RRM2: variants seen among roughly 807,000 people sequenced by gnomAD.
RRM2 encodes ribonucleoside-diphosphate reductase subunit M2.
In RRM2, 6 loss-of-function variants were observed where a neutral mutation model predicts 45.9. The ratio of observed to expected loss-of-function variants is 0.13; its 90% CI spans 0.07 to 0.26. RRM2 has a LOEUF of 0.26. RRM2 is among the 10% of genes least tolerant of loss of function. The pLI, the probability that RRM2 is intolerant of heterozygous loss-of-function variation, is 1.00. For synonymous variants in RRM2, 177 were observed against 173.0 expected (o/e 1.02, Z -0.18); for missense variants, 343 against 489.5 (o/e 0.70, Z 2.82).
intron 3 of RRM2, among the ~76,000 whole-genome samples, chr2:10,199,790 A>AAAAAAAAAAAAC (rs1664503700): frequency 1.4e-5 from 1 of 71,874 alleles, no homozygotes; most frequent in African/African-American, 4.5e-5. Context: ...AAAAAAAAAA[A>AAAAAAAAAAAAC]AAAAAAAAAA....
chr2:10,135,953 A>C (rs1016860135), downstream of RRM2, among the ~76,000 whole-genome samples: 1 of 151,612 alleles, frequency 6.6e-6, no homozygotes, highest in Non-Finnish European at 1.5e-5. Flanking sequence ...ATATTCTCTT[A>C]GTCATGTGTT....
intron 3 of RRM2, among the ~76,000 whole-genome samples, chr2:10,148,512 C>T (rs1663241395): frequency 6.6e-6 from 1 of 152,230 alleles, no homozygotes; most frequent in Non-Finnish European, 1.5e-5. Context: ...TCCTTGAGAA[C>T]TTCACAGATG....
chr2:10,200,994 A>G (rs1664558567), intron 3 of RRM2, among the ~76,000 whole-genome samples: 1 of 152,130 alleles, frequency 6.6e-6, no homozygotes, highest in Admixed American at 6.5e-5. Flanking sequence ...TAAAAAACAC[A>G]AAAGTTAGCT....
At position 10,172,009 on chromosome 2, in the gene RRM2, G is replaced by T. The variant is rs185845467; in HGVS notation, n.482+29634G>T. 3.1e-3 allele frequency among the ~76,000 whole-genome samples: 465 copies of T among 152,320 alleles called. No homozygotes were observed. The highest frequency in any genetic ancestry group is 5.5e-3 in the Non-Finnish European group (372 of 68,020). ...AAAACCGGGCAGAGGAGCCCTGCTAGTCCAGGCCGGGCCAGCGCCCAAGGA... is the reference window on the plus strand; with the variant it reads ...AAAACCGGGCAGAGGAGCCCTGCTATTCCAGGCCGGGCCAGCGCCCAAGGA... On this transcript the variant is annotated intron_variant and non_coding_transcript_variant, in intron 3 of 3. Transcript: ENST00000381786. This position sits in a 1 kb window ranked among gnomAD's most constrained non-coding sequence, Gnocchi z 4.9.
In RRM2 at chr2:10,207,018, G is replaced by T. The variant is rs540054035; in HGVS notation, n.483-3293G>T. ...TTCAGGAAGAAGGAAAGAGGTTTCG[G>T]ACGGAAGGTCTGTGTGCAGAGGGAA... On this transcript the variant is annotated intron_variant and non_coding_transcript_variant, in intron 3 of 3. Transcript: ENST00000381786. Among the ~76,000 whole-genome samples the T allele has an allele frequency of 4.0e-4, 61 of 152,298 alleles. 1 individual carries two copies. The South Asian group carries it at 0.012, about 30-fold the overall frequency.
At chr2:10,188,935 C>T (rs995170331) in intron 3 of RRM2, among the ~76,000 whole-genome samples, 4 of 152,112 alleles carry the variant, frequency 2.6e-5, no homozygotes, top group Non-Finnish European at 5.9e-5. Context: ...TGGAGGGAGG[C>T]GCCGGCGCCC....
At chr2:10,200,995 A>G (rs1664558608) in intron 3 of RRM2, among the ~76,000 whole-genome samples, 1 of 152,126 alleles carries the variant, frequency 6.6e-6, no homozygotes, top group African/African-American at 2.4e-5. Flanking sequence ...AAAAAACACA[A>G]AAGTTAGCTG....
Position 10,185,842 on chromosome 2 carries a change from A to G in RRM2, n.483-24469A>G, listed in dbSNP as rs1042343657. ...GACCCTCAGTCTCATCTTCTGGGTG[A>G]CCGAAGATGGGGCAGTGCAGCCCCT... is the stretch of plus-strand genomic sequence containing the variant. On this transcript the variant is annotated intron_variant and non_coding_transcript_variant, in intron 3 of 3. Coordinates refer to the RRM2 transcript ENST00000381786. This position sits in a 1 kb window ranked among gnomAD's most constrained non-coding sequence, Gnocchi z 4.3. Among the ~76,000 whole-genome samples the G allele has an allele frequency of 2.0e-5, 3 of 150,988 alleles. No individual in the cohort carries two copies. The highest frequency in any genetic ancestry group is 1.9e-4 in the East Asian group (1 of 5,136).
At chr2:10,143,062 A>T (rs1009709931) in intron 3 of RRM2, among the ~76,000 whole-genome samples, 2 of 152,124 alleles carry the variant, frequency 1.3e-5, no homozygotes, top group African/African-American at 4.8e-5. Flanking sequence ...TTTAGTAGAG[A>T]CAGAGTTTCA....
In RRM2 at chr2:10,171,974, G is replaced by T. The variant is rs751902719; in HGVS notation, n.482+29599G>T. Among the ~76,000 whole-genome samples the T allele has an allele frequency of 6.6e-6, 1 of 152,190 alleles. No individual in the cohort carries two copies. The highest frequency in any genetic ancestry group is 1.5e-5 in the Non-Finnish European group (1 of 68,032). On this transcript the variant is annotated intron_variant and non_coding_transcript_variant, in intron 3 of 3. Coordinates refer to the RRM2 transcript ENST00000381786. The surrounding 1 kb of genome is among the most constrained non-coding windows in gnomAD (Gnocchi z 4.1). ...CTGGGAAAACTTAGGAGACGGTGCT[G>T]CTTGTTTAGAAAACCGGGCAGAGGA...
At chr2:10,190,073 TATG>T (rs1254167918) in intron 3 of RRM2, among the ~76,000 whole-genome samples, 1 of 78,778 alleles carries the variant, frequency 1.3e-5, no homozygotes, top group African/African-American at 5.2e-5. Context: ...TGGTGATGGT[TATG>T]ATGGTGGTGG....
At position 10,122,970 on chromosome 2, in the gene RRM2, C is replaced by T. The variant is rs72542789; in HGVS notation, c.100-13C>T. On this transcript the variant is annotated splice_polypyrimidine_tract_variant and intron_variant, in intron 1 of 9. Coordinates refer to ENST00000304567, the MANE Select transcript of RRM2 (RefSeq NM_001034.4). ...AGCGAAGCCGCTCCTCACTCACACGCGTCTCCCCGCAGCCGCCGGCCCTGA... is the reference window on the plus strand; with the variant it reads ...AGCGAAGCCGCTCCTCACTCACACGTGTCTCCCCGCAGCCGCCGGCCCTGA... The T allele has an allele frequency of 4.3e-4, 665 of 1,548,438 alleles. 5 individuals carry two copies. The East Asian group carries it at 0.015, about 35-fold the overall frequency.
chr2:10,200,714 A>G (rs6761527), intron 3 of RRM2, among the ~76,000 whole-genome samples: 10,030 of 71,060 alleles, frequency 0.14, 2,044 homozygotes, highest in Admixed American at 0.21. Context: ...GGGACCGCGC[A>G]CACAAAATAT....
chr2:10,197,806 G>A (rs1664446986), intron 3 of RRM2, among the ~76,000 whole-genome samples: 1 of 152,104 alleles, frequency 6.6e-6, no homozygotes, highest in South Asian at 2.1e-4. Flanking sequence ...GGTTTCCCAG[G>A]GCCCAGCAGA....
exon 2 of RRM2, chr2:10,141,938 C>T: frequency 1.3e-6 from 2 of 1,577,480 alleles, no homozygotes; most frequent in South Asian, 2.3e-5. Flanking sequence ...GGAGACCAAT[C>T]ACCCACCCAG....
At chr2:10,163,518 C>T (rs1663612443) in intron 3 of RRM2, among the ~76,000 whole-genome samples, 1 of 152,236 alleles carries the variant, frequency 6.6e-6, no homozygotes, top group Admixed American at 6.5e-5. Context: ...GGGCAAGTCA[C>T]ATGGCCCTCT....
chr2:10,185,640 C>A lies in RRM2; in HGVS notation n.483-24671C>A, dbSNP rs1664148903. On this transcript the variant is annotated intron_variant and non_coding_transcript_variant, in intron 3 of 3. Transcript: ENST00000381786. This position sits in a 1 kb window ranked among gnomAD's most constrained non-coding sequence, Gnocchi z 4.3. ...TGTACTGGATACATTCTTGAAAATA[C>A]TCTTGAACATATTCTTGAGGATGAG... 2.0e-5 allele frequency among the ~76,000 whole-genome samples: 3 copies of A among 152,130 alleles called. No homozygotes were observed. Among genetic ancestry groups the A allele is most frequent in the Admixed American group, 2.0e-4 (3 of 15,266 alleles).
At chr2:10,167,639 G>A (rs955382703) in intron 3 of RRM2, among the ~76,000 whole-genome samples, 6 of 152,134 alleles carry the variant, frequency 3.9e-5, no homozygotes, top group Non-Finnish European at 7.4e-5. Flanking sequence ...CTTCCTCCTT[G>A]TGTCTTCTCT....
chr2:10,135,963 T>G (rs1465164785), downstream of RRM2, among the ~76,000 whole-genome samples: 2 of 151,240 alleles, frequency 1.3e-5, no homozygotes, highest in African/African-American at 4.9e-5. Context: ...AGTCATGTGT[T>G]TTTTTTTTAT....
Sources: allele counts gnomAD v4.1 joint callset (sites outside exome capture counted in the v4.1 genomes callset), GRCh38; gene constraint gnomAD v4.1.1; non-coding constraint Gnocchi (gnomAD v3.1); transcripts MANE v1.5; gene names NCBI Gene and HGNC (gene_info 2026-07-23, HGNC 2026-07-21).